LRRC61: variants seen among roughly 807,000 people sequenced by gnomAD.
LRRC61 encodes leucine-rich repeat-containing protein 61.
Under a neutral mutation model 15.1 loss-of-function variants are expected in LRRC61, and 9 were observed. The ratio of observed to expected loss-of-function variants is 0.60; its 90% CI spans 0.36 to 1.04. LRRC61 has a LOEUF of 1.04. Among genes scored for constraint, LRRC61 ranks in the 50% least tolerant of loss-of-function variants. The pLI is 0.01. For synonymous variants in LRRC61, 173 were observed against 158.6 expected, an observed-to-expected ratio of 1.09 and a Z score of -0.68; for missense variants, 344 against 335.6, an observed-to-expected ratio of 1.03 and a Z score of -0.20.
chr7:150,324,697 C>CTG (rs1421783036), intron 1 of LRRC61, among the ~76,000 whole-genome samples: 3 of 152,166 alleles, frequency 2.0e-5, no homozygotes, highest in African/African-American at 7.2e-5. Flanking sequence ...CTTCCACCGC[C>CTG]TGTGCCCTGG....
rs747773928 is a variant in LRRC61 at position 150,330,405 on chromosome 7, A to C, written c.-145+4395A>C. 1 of 768,730 alleles carries C rather than the reference A, an allele frequency of 1.3e-6. No individual in the cohort carries two copies. Among genetic ancestry groups the C allele is most frequent in the Non-Finnish European group, 2.4e-6 (1 of 418,034 alleles). The allele number at this position is 768,730 out of a possible 1,614,324, so 47.6% of individuals were successfully genotyped here. ...CAGCAAGCTCCTGTAGCCCTTCCAGATGGTGGTCCGCGAGGCGAGTGCGGC... is the reference window on the plus strand; with the variant it reads ...CAGCAAGCTCCTGTAGCCCTTCCAGCTGGTGGTCCGCGAGGCGAGTGCGGC... On this transcript the variant is annotated intron_variant, in intron 2 of 2. Transcript: ENST00000359623. This position sits in a 1 kb window ranked among gnomAD's most constrained non-coding sequence, Gnocchi z 4.6.
At position 150,333,502 on chromosome 7, in the gene LRRC61, C is replaced by T. The variant is rs896242994; in HGVS notation, c.-144-3216C>T. Among the ~76,000 whole-genome samples the T allele has an allele frequency of 4.9e-4, 75 of 152,202 alleles. No individual in the cohort carries two copies. Among genetic ancestry groups the T allele is most frequent in the African/African-American group, 1.6e-3 (68 of 41,446 alleles). On this transcript the variant is annotated intron_variant, in intron 2 of 2. Coordinates refer to ENST00000359623, the MANE Select transcript of LRRC61 (RefSeq NM_001142928.2). The surrounding 1 kb of genome is among the most constrained non-coding windows in gnomAD (Gnocchi z 4.3). ...AGAGCGTTAGAGCCTCCAGTCCACCCGAGGCTGCTCTGGGTTGAAGCGTTC... is the reference window on the plus strand; with the variant it reads ...AGAGCGTTAGAGCCTCCAGTCCACCTGAGGCTGCTCTGGGTTGAAGCGTTC...
At chr7:150,320,824 T>C (rs947616039), upstream of LRRC61, among the ~76,000 whole-genome samples, 1 of 152,182 alleles carries the variant, frequency 6.6e-6, no homozygotes. Context: ...ACAATAAACA[T>C]CTTGTGATCA....
At position 150,335,247 on chromosome 7, in the gene LRRC61, T is replaced by C. The variant is rs1000325369; in HGVS notation, c.-144-1471T>C. On this transcript the variant is annotated intron_variant, in intron 2 of 2. Transcript: ENST00000359623. This position sits in a 1 kb window ranked among gnomAD's most constrained non-coding sequence, Gnocchi z 4.3. ...AGAGCAGCTTTAATCAAATGCAAAG[T>C]TGATTGCATCACTCCCTGTTTACAA... 6.6e-6 allele frequency among the ~76,000 whole-genome samples: 1 copy of C among 152,214 alleles called. No homozygotes were observed. Among genetic ancestry groups the C allele is most frequent in the Non-Finnish European group, 1.5e-5 (1 of 68,044 alleles).
chr7:150,327,873 A>G (rs73474327), intron 2 of LRRC61, among the ~76,000 whole-genome samples: 1,813 of 151,036 alleles, frequency 0.012, 34 homozygotes, highest in African/African-American at 0.042. Context: ...TAAGTGACTT[A>G]GATATATACT....
the LRRC61 span, among the ~76,000 whole-genome samples, chr7:150,312,387 C>G: frequency 6.6e-6 from 1 of 152,178 alleles, no homozygotes; most frequent in South Asian, 2.1e-4. Flanking sequence ...CCACTCACAC[C>G]TATGGGAAAA....
chr7:150,326,779 A>G (rs765040390), intron 2 of LRRC61, among the ~76,000 whole-genome samples: 33 of 152,098 alleles, frequency 2.2e-4, no homozygotes, highest in African/African-American at 6.3e-4. Flanking sequence ...AGTTTCCTCA[A>G]TCATGAAGTG....
chr7:150,321,284 G>C (rs1036931025), upstream of LRRC61, among the ~76,000 whole-genome samples: 1 of 152,150 alleles, frequency 6.6e-6, no homozygotes. Context: ...TATTGCAGCT[G>C]TTCTTGAATA....
At chr7:150,324,143 C>T (rs529294674) in intron 1 of LRRC61, among the ~76,000 whole-genome samples, 1 of 152,286 alleles carries the variant, frequency 6.6e-6, no homozygotes, top group Non-Finnish European at 1.5e-5. Context: ...TTTCTCTCAC[C>T]ACCTTTCAAT....
At position 150,330,056 on chromosome 7, in the gene LRRC61, C is replaced by T. The variant is rs543276747; in HGVS notation, c.-145+4046C>T. ...AGGGCTGTTCCCCCATCCCTTGTTT[C>T]GCCCACTGCCTCGACTCCCTGGTGA... On this transcript the variant is annotated intron_variant, in intron 2 of 2. Coordinates refer to ENST00000359623, the MANE Select transcript of LRRC61 (RefSeq NM_001142928.2). The surrounding 1 kb of genome is among the most constrained non-coding windows in gnomAD (Gnocchi z 4.6). 1.8e-4 allele frequency: 46 copies of T among 255,444 alleles called. No individual in the cohort carries two copies. Among genetic ancestry groups the T allele is most frequent in the African/African-American group, 4.1e-4 (18 of 44,216 alleles). The allele number at this position is 255,444 out of a possible 1,614,324, so 15.8% of individuals were successfully genotyped here. A position where few individuals can be genotyped will look rare whatever the true frequency, so the allele number is the denominator to read the frequency against.
chr7:150,325,773 C>A (rs1052752096), intron 1 of LRRC61, 68 bp from the exon 2 acceptor site: 1 of 152,424 alleles, frequency 6.6e-6, no homozygotes, highest in Non-Finnish European at 1.5e-5. Context: ...CACCTGGCCA[C>A]AAGTAACTTC....
chr7:150,330,933 G>C lies in LRRC61; in HGVS notation c.-145+4923G>C. ...CTTGCTGGAGAGCATGGGGCTGCTGGCCTCTGAGAGAAGCGGGGGCTCGCT... is the reference window on the plus strand; with the variant it reads ...CTTGCTGGAGAGCATGGGGCTGCTGCCCTCTGAGAGAAGCGGGGGCTCGCT... On this transcript the variant is annotated intron_variant, in intron 2 of 2. Coordinates refer to ENST00000359623, the MANE Select transcript of LRRC61 (RefSeq NM_001142928.2). The surrounding 1 kb of genome is among the most constrained non-coding windows in gnomAD (Gnocchi z 4.6). 6.2e-7 allele frequency: 1 copy of C among 1,612,728 alleles called. No individual in the cohort carries two copies. The highest frequency in any genetic ancestry group is 8.5e-7 in the Non-Finnish European group (1 of 1,179,912).
At chr7:150,331,375 T>C in intron 2 of LRRC61, 1 of 421,824 alleles carries the variant, frequency 2.4e-6, no homozygotes, top group Non-Finnish European at 4.4e-6. Context: ...CTGCCTGTAA[T>C]AGGTCAAAGC....
In LRRC61 at chr7:150,330,628, C is replaced by T. The variant is rs1284362043; in HGVS notation, c.-145+4618C>T. The stretch of plus-strand genomic sequence containing the variant: ...TACCGCGAGGAGTTTGTGCTGGCCA[C>T]CTTGCTGGACCCTTGCTTCAAGGGG... On this transcript the variant is annotated intron_variant, in intron 2 of 2. Coordinates refer to ENST00000359623, the MANE Select transcript of LRRC61 (RefSeq NM_001142928.2). This position sits in a 1 kb window ranked among gnomAD's most constrained non-coding sequence, Gnocchi z 4.6. The T allele has an allele frequency of 1.1e-6, 1 of 912,810 alleles. No individual in the cohort carries two copies. Among genetic ancestry groups the T allele is most frequent in the Non-Finnish European group, 1.9e-6 (1 of 539,050 alleles). 56.5% of individuals were successfully genotyped at this position (912,810 alleles called of 1,614,324 possible).
At position 150,335,030 on chromosome 7, in the gene LRRC61, CAAAAA is replaced by C. The variant is rs58391879; in HGVS notation, c.-144-1674_-144-1670del. Among the ~76,000 whole-genome samples, 5 of 102,352 alleles carry C rather than the reference CAAAAA, an allele frequency of 4.9e-5. No homozygotes were observed. The highest frequency in any genetic ancestry group is 1.1e-4 in the Admixed American group (1 of 8,788). 67.1% of individuals were successfully genotyped at this position (102,352 alleles called of 152,430 possible). ...GGGCAACAAGAGTGAAACTCTGTCT[CAAAAA>C]AAAAAAAAAAAAAGAAAAAAAGGAG... On this transcript the variant is annotated intron_variant, in intron 2 of 2. Coordinates refer to ENST00000359623, the MANE Select transcript of LRRC61 (RefSeq NM_001142928.2). The surrounding 1 kb of genome is among the most constrained non-coding windows in gnomAD (Gnocchi z 4.3).
intron 2 of LRRC61, chr7:150,332,850 G>C (rs1386616895): frequency 6.5e-6 from 1 of 154,554 alleles, no homozygotes; most frequent in Admixed American, 6.6e-5. Flanking sequence ...GGCCGGATTT[G>C]TCTGGGGGAG....
At chr7:150,323,608 G>A (rs1270657771) in intron 1 of LRRC61, 48 bp downstream of exon 1, 1 of 452,994 alleles carries the variant, frequency 2.2e-6, no homozygotes, top group Non-Finnish European at 4.4e-6. Context: ...GGCGGCTGTC[G>A]GGGCCCGTGC....
chr7:150,336,642 A>G (rs1798300700), intron 2 of LRRC61, 76 bp from the exon 3 acceptor site: 5 of 606,154 alleles, frequency 8.2e-6, no homozygotes, highest in Non-Finnish European at 1.4e-5. Flanking sequence ...TGGTAAAAGC[A>G]GGGTCAGACT....
At chr7:150,324,653 A>G (rs1237432110) in intron 1 of LRRC61, among the ~76,000 whole-genome samples, 2 of 152,138 alleles carry the variant, frequency 1.3e-5, no homozygotes, top group East Asian at 1.9e-4. Context: ...GTCAGGAAAA[A>G]TGAGAGTTCT....
Sources: gnomAD v4.1 joint callset for allele counts (sites outside exome capture counted in the v4.1 genomes callset) on GRCh38, gnomAD v4.1.1 for gene constraint, Gnocchi (gnomAD v3.1) non-coding constraint, MANE v1.5 for transcripts, NCBI Gene and HGNC (gene_info 2026-07-23, HGNC 2026-07-21) for gene names.